The following ABCC4 variants were observed in gnomAD, a reference collection of about 807,000 sequenced individuals.
ABCC4 encodes the protein ATP-binding cassette sub-family C member 4.
Under a neutral mutation model 168.5 loss-of-function variants are expected in ABCC4, and 102 were observed. That is an observed-to-expected ratio of 0.61 (90% CI 0.52 to 0.71). ABCC4 has a LOEUF of 0.71. Among genes scored for constraint, ABCC4 ranks in the 30% least tolerant of loss-of-function variants. The probability of loss-of-function intolerance (pLI) is 0.00; values close to 1 mark genes in which losing one functional copy is unlikely to be tolerated. For missense variants in ABCC4, 1,402 were observed against 1,605.8 expected (o/e 0.87, Z 2.17); for synonymous variants, 617 against 590.7 (o/e 1.04, Z -0.65).
chr13:95,279,975 A>G (rs1475258894), intron 1 of ABCC4, among the ~76,000 whole-genome samples: 1 of 152,064 alleles, frequency 6.6e-6, no homozygotes, highest in East Asian at 1.9e-4. Flanking sequence ...TCGGTCCTTA[A>G]ATGCCAAGGT....
chr13:95,045,484 A>G (rs2032538524), intron 27 of ABCC4, among the ~76,000 whole-genome samples: 1 of 152,168 alleles, frequency 6.6e-6, no homozygotes, highest in South Asian at 2.1e-4. Flanking sequence ...AGGTCAGTAC[A>G]TTTTCTACAG....
At chr13:95,276,384 G>A (rs1283624205) in intron 1 of ABCC4, among the ~76,000 whole-genome samples, 3 of 141,192 alleles carry the variant, frequency 2.1e-5, no homozygotes, top group East Asian at 2.1e-4. Flanking sequence ...CACTGCACTC[G>A]AGCCTGGGAG....
At chr13:95,066,808 G>C (rs1251704238) in intron 25 of ABCC4, among the ~76,000 whole-genome samples, 1 of 152,214 alleles carries the variant, frequency 6.6e-6, no homozygotes, top group Non-Finnish European at 1.5e-5. Context: ...TATTCCCTTG[G>C]TGTAGCTAGA....
intron 6 of ABCC4, 114 bp downstream of exon 6, chr13:95,209,320 T>C (rs761575724): frequency 1.7e-5 from 21 of 1,237,798 alleles, no homozygotes; most frequent in Middle Eastern, 2.4e-4. Context: ...AGCTGCAACA[T>C]ATGCAAGGAA....
intron 25 of ABCC4, among the ~76,000 whole-genome samples, chr13:95,070,970 G>A (rs540860296): frequency 3.9e-5 from 6 of 152,266 alleles, no homozygotes; most frequent in East Asian, 3.9e-4. Context: ...GGAGGGACCC[G>A]GTGGGAGGTA....
intron 19 of ABCC4, among the ~76,000 whole-genome samples, chr13:95,151,642 A>C (rs2036691195): frequency 6.6e-6 from 1 of 151,888 alleles, no homozygotes; most frequent in African/African-American, 2.4e-5. Context: ...GAGGAGAAGG[A>C]GAAGAAGGAG....
intron 19 of ABCC4, among the ~76,000 whole-genome samples, chr13:95,124,851 C>T (rs1055411095): frequency 2.1e-4 from 31 of 150,524 alleles, no homozygotes; most frequent in Admixed American, 1.6e-3. Flanking sequence ...GTACTCCAGG[C>T]TGGGTGACAG....
In ABCC4 at chr13:95,166,368, C is replaced by T; in HGVS notation, c.1825-1G>A. The T allele has an allele frequency of 6.2e-7, 1 of 1,609,176 alleles. No homozygotes were observed. The highest frequency in any genetic ancestry group is 8.5e-7 in the Non-Finnish European group (1 of 1,178,224). ...AAGTCCCCTTCTGCACCATTTTACC[C>T]TAAAATAAAAATAAAGAATTTCAGA... On this transcript the variant is annotated splice_acceptor_variant, in intron 14 of 30. Transcript: ENST00000645237. LOFTEE classifies it high-confidence loss of function.
chr13:95,188,915 A>T (rs1217025214), intron 9 of ABCC4, among the ~76,000 whole-genome samples: 1 of 152,154 alleles, frequency 6.6e-6, no homozygotes, highest in African/African-American at 2.4e-5. Context: ...TCTAGGATAC[A>T]TGCGCAGAAC....
chr13:95,152,709 TATAA>T (rs1337569346), intron 19 of ABCC4, among the ~76,000 whole-genome samples: 1 of 152,122 alleles, frequency 6.6e-6, no homozygotes, highest in Non-Finnish European at 1.5e-5. Flanking sequence ...TTCATGGCAA[TATAA>T]ATAATCATGT....
chr13:95,185,747 T>C (rs966656174), intron 11 of ABCC4, among the ~76,000 whole-genome samples: 2 of 151,858 alleles, frequency 1.3e-5, no homozygotes, highest in African/African-American at 2.4e-5. Context: ...CTAGAACTTA[T>C]AGCCCTCTAT....
intron 1 of ABCC4, among the ~76,000 whole-genome samples, chr13:95,273,821 T>TTG (rs2040904083): frequency 6.7e-6 from 1 of 149,802 alleles, no homozygotes; most frequent in Non-Finnish European, 1.5e-5. Context: ...GGTTTGTTTT[T>TTG]TTTTTTTTTT....
chr13:95,141,668 T>C (rs2036323689), intron 19 of ABCC4, among the ~76,000 whole-genome samples: 1 of 152,214 alleles, frequency 6.6e-6, no homozygotes, highest in Non-Finnish European at 1.5e-5. Flanking sequence ...ATAGTTATTC[T>C]ACTTTGGGCC....
chr13:95,064,297 T>TATATATATATATATACAC (rs1555306881), intron 25 of ABCC4, among the ~76,000 whole-genome samples: 10 of 105,242 alleles, frequency 9.5e-5, no homozygotes, highest in Admixed American at 1.9e-4. Flanking sequence ...TATATATATA[T>TATATATATATATATACAC]ACACACACAC....
intron 20 of ABCC4, among the ~76,000 whole-genome samples, chr13:95,111,498 C>A (rs34334004): frequency 1.3e-5 from 2 of 152,226 alleles, no homozygotes; most frequent in East Asian, 1.9e-4. Context: ...AAGGCCTAAT[C>A]AAAAACCTCA....
intron 4 of ABCC4, among the ~76,000 whole-genome samples, chr13:95,222,566 G>A (rs888908453): frequency 2.0e-5 from 3 of 152,210 alleles, no homozygotes; most frequent in African/African-American, 7.2e-5. Flanking sequence ...GCTGATGCGC[G>A]GGCACAGGTC....
intron 4 of ABCC4, among the ~76,000 whole-genome samples, chr13:95,229,797 G>C (rs1207607594): frequency 6.6e-6 from 1 of 152,160 alleles, no homozygotes; most frequent in Non-Finnish European, 1.5e-5. Context: ...GGGCAAATGG[G>C]AGATCCAGTC....
chr13:95,144,804 C>T (rs1414983586), intron 19 of ABCC4, among the ~76,000 whole-genome samples: 1 of 152,064 alleles, frequency 6.6e-6, no homozygotes, highest in Non-Finnish European at 1.5e-5. Context: ...GGCCATACTG[C>T]CCAGAGCAAT....
At chr13:95,050,080 G>A (rs935847357) in intron 27 of ABCC4, among the ~76,000 whole-genome samples, 48 of 152,214 alleles carry the variant, frequency 3.2e-4, no homozygotes, top group Admixed American at 1.1e-3. Context: ...AGACAGCAGA[G>A]AGACAGAATG....
Sources: gnomAD v4.1 joint callset for allele counts (sites outside exome capture counted in the v4.1 genomes callset) on GRCh38, gnomAD v4.1.1 for gene constraint, MANE v1.5 for transcripts, NCBI Gene and HGNC (gene_info 2026-07-23, HGNC 2026-07-21) for gene names.